Variants in TOX observed in about 807,000 individuals in gnomAD.
TOX encodes the protein thymocyte selection associated high mobility group box.
A neutral mutation model predicts 53.7 loss-of-function variants in TOX; 11 were observed. The observed-to-expected ratio is 0.20, with a 90% CI of 0.13 to 0.34. The LOEUF (loss-of-function observed/expected upper bound fraction) is 0.34. Ranked by LOEUF, TOX falls within the 10% of genes least tolerant of loss-of-function variation. The probability of loss-of-function intolerance (pLI) is 1.00; values close to 1 mark genes in which losing one functional copy is unlikely to be tolerated. For missense variants in TOX, 570 were observed against 664.6 expected, an observed-to-expected ratio of 0.86 and a Z score of 1.56; for synonymous variants, 225 against 245.3, an observed-to-expected ratio of 0.92 and a Z score of 0.77.
intron 1 of TOX, among the ~76,000 whole-genome samples, chr8:59,097,232 A>G (rs1426183261): frequency 3.3e-5 from 5 of 152,160 alleles, no homozygotes; most frequent in African/African-American, 1.2e-4. Flanking sequence ...GTGAGCTTAC[A>G]AACAATGCCA....
chr8:58,991,391 G>A (rs1813443559), intron 1 of TOX, among the ~76,000 whole-genome samples: 1 of 152,192 alleles, frequency 6.6e-6, no homozygotes, highest in African/African-American at 2.4e-5. Context: ...TACTACCTAA[G>A]AAAACTCAAC....
chr8:59,072,011 C>T (rs1004364897), intron 1 of TOX, among the ~76,000 whole-genome samples: 2 of 152,124 alleles, frequency 1.3e-5, no homozygotes, highest in Admixed American at 1.3e-4. Context: ...AAGAGATCAT[C>T]TTTTAAGTTT....
intron 1 of TOX, among the ~76,000 whole-genome samples, chr8:59,041,558 AG>A (rs1160692452): frequency 2.0e-5 from 3 of 152,208 alleles, no homozygotes; most frequent in Non-Finnish European, 4.4e-5. Context: ...AGAAGCATGG[AG>A]GCTAGCACCA....
intron 4 of TOX, among the ~76,000 whole-genome samples, chr8:58,839,333 C>G (rs1264812966): frequency 6.6e-6 from 1 of 152,174 alleles, no homozygotes; most frequent in Non-Finnish European, 1.5e-5. Flanking sequence ...TGACTAATGG[C>G]TACCATATCG....
intron 5 of TOX, 147 bp downstream of exon 5, chr8:58,837,934 C>T (rs980123223): frequency 1.1e-5 from 7 of 650,572 alleles, no homozygotes; most frequent in African/African-American, 3.7e-5. Flanking sequence ...ATTATGTGAA[C>T]GTCTCAGAAA....
chr8:59,085,979 CTTTTTTTTTTTTT>C (rs35593177), intron 1 of TOX, among the ~76,000 whole-genome samples: 2 of 88,836 alleles, frequency 2.3e-5, no homozygotes, highest in Admixed American at 2.4e-4. Flanking sequence ...CTTTTCTTTT[CTTTTTTTTTTTTT>C]TTTTTTTTTT....
intron 6 of TOX, among the ~76,000 whole-genome samples, chr8:58,819,310 C>T (rs1303233786): frequency 1.3e-5 from 2 of 152,194 alleles, no homozygotes; most frequent in Non-Finnish European, 1.5e-5. Context: ...AACACATTAA[C>T]CACTTTTATT....
chr8:58,911,866 C>A (rs897649065), intron 3 of TOX, among the ~76,000 whole-genome samples: 1 of 152,094 alleles, frequency 6.6e-6, no homozygotes, highest in African/African-American at 2.4e-5. Flanking sequence ...CCATGCCCAG[C>A]GACTTTTGTA....
intron 1 of TOX, among the ~76,000 whole-genome samples, chr8:59,040,356 A>G (rs1191221633): frequency 6.8e-6 from 1 of 146,388 alleles, no homozygotes; most frequent in East Asian, 2.0e-4. Flanking sequence ...AAAAAGAAGC[A>G]TCAATTTCCT....
chr8:59,065,148 T>C (rs1186114837), intron 1 of TOX, among the ~76,000 whole-genome samples: 2 of 152,202 alleles, frequency 1.3e-5, no homozygotes, highest in African/African-American at 4.8e-5. Flanking sequence ...AATACTGTAT[T>C]TATTTAAAAC....
chr8:58,978,423 T>C (rs1563407441), intron 1 of TOX, among the ~76,000 whole-genome samples: 1 of 152,218 alleles, frequency 6.6e-6, no homozygotes, highest in African/African-American at 2.4e-5. Flanking sequence ...CGTATGCTTC[T>C]GGGACCCACC....
At chr8:58,975,459 T>C (rs370458331) in intron 1 of TOX, among the ~76,000 whole-genome samples, 3 of 152,284 alleles carry the variant, frequency 2.0e-5, no homozygotes, top group East Asian at 3.9e-4. Context: ...CTAGGAAATA[T>C]TGTGGGTTTT....
At chr8:59,078,571 G>GT (rs1231348547) in intron 1 of TOX, among the ~76,000 whole-genome samples, 1 of 152,194 alleles carries the variant, frequency 6.6e-6, no homozygotes, top group African/African-American at 2.4e-5. Context: ...CTAAGCAGAT[G>GT]CCAGCACCAT....
At position 59,118,857 on chromosome 8, in the gene TOX, C is replaced by T. The variant is rs764428837; in HGVS notation, c.102+29G>A. 6.5e-7 allele frequency: 1 copy of T among 1,537,754 alleles called. No individual in the cohort carries two copies. The highest frequency in any genetic ancestry group is 8.8e-7 in the Non-Finnish European group (1 of 1,130,888). The stretch of plus-strand genomic sequence containing the variant: ...CCCTCCCAGGATCAAGCAGCAAGAA[C>T]ACGGTGGAAACAAAAGCAGAGCGTT... On this transcript the variant is annotated intron_variant, in intron 1 of 8. Transcript: ENST00000361421. This position sits in a 1 kb window ranked among gnomAD's most constrained non-coding sequence, Gnocchi z 4.1.
chr8:59,112,893 T>C (rs1032819763), intron 1 of TOX, among the ~76,000 whole-genome samples: 1 of 152,234 alleles, frequency 6.6e-6, no homozygotes, highest in Non-Finnish European at 1.5e-5. Flanking sequence ...ATCATATTTT[T>C]ACAATGTAAT....
At chr8:58,838,774 T>C (rs1411869422) in intron 4 of TOX, among the ~76,000 whole-genome samples, 1 of 141,826 alleles carries the variant, frequency 7.1e-6, no homozygotes, top group Non-Finnish European at 1.5e-5. Context: ...TGATCTCAGC[T>C]CACTGCAACC....
chr8:59,113,673 G>C (rs1171527615), intron 1 of TOX, among the ~76,000 whole-genome samples: 1 of 152,100 alleles, frequency 6.6e-6, no homozygotes, highest in African/African-American at 2.4e-5. Context: ...TTCAAATTAA[G>C]ATTGGGGAGG....
chr8:59,087,786 A>G lies in TOX; in HGVS notation c.102+31100T>C, dbSNP rs375702645. ...CAAGCTGCCCCAGCAGACCTACCAC[A>G]TGCCTTCCCAGTTATGGGGTTTGAT... is the stretch of plus-strand genomic sequence containing the variant. On this transcript the variant is annotated intron_variant, in intron 1 of 8. Transcript: ENST00000361421. 2.2e-4 allele frequency among the ~76,000 whole-genome samples: 34 copies of G among 152,266 alleles called. 1 individual carries two copies. The East Asian group carries it at 5.2e-3, about 23-fold the overall frequency.
intron 3 of TOX, among the ~76,000 whole-genome samples, chr8:58,931,795 C>T (rs1585908400): frequency 6.6e-6 from 1 of 152,216 alleles, no homozygotes; most frequent in Middle Eastern, 3.4e-3. Flanking sequence ...TTACTTCTTT[C>T]ATGCATGGGT....
Sources: allele counts gnomAD v4.1 joint callset (sites outside exome capture counted in the v4.1 genomes callset), GRCh38; gene constraint gnomAD v4.1.1; non-coding constraint Gnocchi (gnomAD v3.1); transcripts MANE v1.5; gene names NCBI Gene and HGNC (gene_info 2026-07-23, HGNC 2026-07-21).